PDE3B: variants seen among roughly 807,000 people sequenced by gnomAD.
PDE3B encodes phosphodiesterase 3B.
In PDE3B, 66 loss-of-function variants were observed where a neutral mutation model predicts 116.8. The observed-to-expected ratio is 0.56, with a 90% confidence interval of 0.46 to 0.69. PDE3B has a LOEUF of 0.69. PDE3B is among the 30% of genes least tolerant of loss of function. The pLI is 0.00. For synonymous variants in PDE3B, 595 were observed against 533.6 expected, an observed-to-expected ratio of 1.12 and a Z score of -1.59; for missense variants, 1,384 against 1,368.1, an observed-to-expected ratio of 1.01 and a Z score of -0.18.
chr11:14,736,365 A>T (rs1856600710), intron 1 of PDE3B, among the ~76,000 whole-genome samples: 1 of 152,200 alleles, frequency 6.6e-6, no homozygotes, highest in South Asian at 2.1e-4. Context: ...AATTTTGAAG[A>T]GGAAACAGCC....
intron 1 of PDE3B, among the ~76,000 whole-genome samples, chr11:14,690,779 A>G (rs565964276): frequency 3.3e-5 from 5 of 152,102 alleles, no homozygotes; most frequent in Non-Finnish European, 7.4e-5. Flanking sequence ...AGGCAGTTGC[A>G]TTTGGCAATT....
rs535672672 is a variant in PDE3B, at chr11:14,662,284, C to A, written c.978+17231C>A. ...AAGGAAAACTAACAAACAGAAAGGACATCCACACCAAAAACCCATCTGTAC... is the reference window on the plus strand; with the variant it reads ...AAGGAAAACTAACAAACAGAAAGGAAATCCACACCAAAAACCCATCTGTAC... On this transcript the variant is annotated intron_variant, in intron 1 of 15. Transcript: ENST00000282096. 6.6e-5 allele frequency among the ~76,000 whole-genome samples: 10 copies of A among 152,254 alleles called. No homozygotes were observed. In the South Asian group the frequency reaches 1.7e-3, roughly 25 times the overall value.
intron 1 of PDE3B, among the ~76,000 whole-genome samples, chr11:14,713,308 A>G (rs1779975174): frequency 6.6e-6 from 1 of 152,198 alleles, no homozygotes; most frequent in Non-Finnish European, 1.5e-5. Flanking sequence ...TGTGAACCTC[A>G]CTGGATCACG....
At chr11:14,721,921 A>G (rs1466917938) in intron 1 of PDE3B, among the ~76,000 whole-genome samples, 1 of 144,010 alleles carries the variant, frequency 6.9e-6, no homozygotes, top group Non-Finnish European at 1.5e-5. Context: ...AACTTAAAGT[A>G]TAATTAAAAA....
At chr11:14,795,008 C>T in intron 4 of PDE3B, among the ~76,000 whole-genome samples, 1 of 152,106 alleles carries the variant, frequency 6.6e-6, no homozygotes, top group East Asian at 1.9e-4. Flanking sequence ...TCCTGGAAGC[C>T]CCCACGTGTT....
intron 1 of PDE3B, among the ~76,000 whole-genome samples, chr11:14,654,480 A>G (rs1338670417): frequency 2.0e-5 from 3 of 152,192 alleles, no homozygotes; most frequent in African/African-American, 7.2e-5. Context: ...AGTGCAAGCT[A>G]AAACAATTTT....
At chr11:14,885,769 A>G in the PDE3B span, 12 of 1,611,928 alleles carry the variant, frequency 7.4e-6, no homozygotes, top group Non-Finnish European at 1.0e-5. Flanking sequence ...GGTGCAAATA[A>G]ACATACCTCC....
At chr11:14,757,835 T>C (rs1002658772) in intron 1 of PDE3B, among the ~76,000 whole-genome samples, 14 of 150,062 alleles carry the variant, frequency 9.3e-5, no homozygotes, top group Non-Finnish European at 1.2e-4. Context: ...ATTTTGGCTT[T>C]TGTTGCCATT....
intron 1 of PDE3B, among the ~76,000 whole-genome samples, chr11:14,765,505 G>T (rs956089560): frequency 6.6e-6 from 1 of 151,714 alleles, no homozygotes. Flanking sequence ...TGTAAATAAA[G>T]GTGCAGTCTT....
chr11:14,753,816 G>T (rs1441565176), intron 1 of PDE3B, among the ~76,000 whole-genome samples: 1 of 152,058 alleles, frequency 6.6e-6, no homozygotes, highest in African/African-American at 2.4e-5. Context: ...GCACATGCAG[G>T]AGATTTTAAA....
chr11:14,811,859 C>T (rs964650546), intron 5 of PDE3B, among the ~76,000 whole-genome samples: 1 of 152,184 alleles, frequency 6.6e-6, no homozygotes, highest in African/African-American at 2.4e-5. Flanking sequence ...TCCCTCACGT[C>T]CCTTGTAAGT....
chr11:14,885,243 T>A, the PDE3B span, among the ~76,000 whole-genome samples: 13 of 152,154 alleles, frequency 8.5e-5, no homozygotes, highest in Admixed American at 8.5e-4. Context: ...CTTACCGATT[T>A]TGTCAACTTT....
chr11:14,844,007 T>C lies in PDE3B; in HGVS notation c.2501T>C (p.Val834Ala), dbSNP rs750628998. The change falls in exon 12 of 16, where the codon GTG becomes GCG. Residue 834 changes from valine to alanine, a missense_variant. By Grantham distance (64) the Val-to-Ala change is moderately conservative. Transcript: ENST00000282096. ...CCAGGGAGGACAAATGCATTTCTAG[T>C]GGCTACAAATGCCCCTCAGGTAGGA... ...DHPGRTNAFLVATNAPQAVLY... is the reference protein window; with the variant it reads ...DHPGRTNAFLAATNAPQAVLY... 6.2e-7 allele frequency: 1 copy of C among 1,612,908 alleles called. No individual in the cohort carries two copies. Among genetic ancestry groups the C allele is most frequent in the Non-Finnish European group, 8.5e-7 (1 of 1,178,864 alleles).
intron 10 of PDE3B, among the ~76,000 whole-genome samples, 181 bp downstream of exon 10, chr11:14,833,014 G>C (rs573889853): frequency 1.3e-5 from 2 of 151,280 alleles, no homozygotes; most frequent in East Asian, 3.9e-4. Flanking sequence ...GCAATGGCGC[G>C]ATCTTGGCCC....
intron 4 of PDE3B, among the ~76,000 whole-genome samples, chr11:14,800,922 C>T (rs1430258745): frequency 2.6e-5 from 4 of 151,954 alleles, no homozygotes; most frequent in Non-Finnish European, 5.9e-5. Flanking sequence ...CTCTGATATC[C>T]TTTCTTCCAC....
chr11:14,820,226 C>A (rs1429679225), intron 7 of PDE3B, among the ~76,000 whole-genome samples: 3 of 139,718 alleles, frequency 2.1e-5, no homozygotes, highest in Non-Finnish European at 4.7e-5. Flanking sequence ...CACTTCCCAA[C>A]TCATTCTTTT....
chr11:14,842,106 C>T (rs1022497316), intron 11 of PDE3B, among the ~76,000 whole-genome samples: 2 of 151,936 alleles, frequency 1.3e-5, no homozygotes, highest in Non-Finnish European at 2.9e-5. Context: ...CTTGGGATTT[C>T]CTACATATAC....
chr11:14,743,764 G>A (rs1856833902), intron 1 of PDE3B, among the ~76,000 whole-genome samples: 1 of 152,196 alleles, frequency 6.6e-6, no homozygotes, highest in South Asian at 2.1e-4. Context: ...GGGCCGCAAT[G>A]CACCATTCCT....
intron 12 of PDE3B, among the ~76,000 whole-genome samples, chr11:14,851,204 G>A (rs781051181): frequency 1.3e-5 from 2 of 151,924 alleles, no homozygotes; most frequent in Non-Finnish European, 2.9e-5. Flanking sequence ...TGTTTATGCT[G>A]GGGATTCCTG....
Sources: gnomAD v4.1 joint callset for allele counts (sites outside exome capture counted in the v4.1 genomes callset) on GRCh38, gnomAD v4.1.1 for gene constraint, MANE v1.5 for transcripts, NCBI Gene and HGNC (gene_info 2026-07-23, HGNC 2026-07-21) for gene names.